OSBPL10: variants seen among roughly 807,000 people sequenced by gnomAD.
The protein encoded by OSBPL10 is oxysterol-binding protein-related protein 10.
OSBPL10 carries 49 observed loss-of-function variants against 81.7 expected under a neutral mutation model. That is an observed-to-expected ratio of 0.60 (90% CI 0.48 to 0.76). The LOEUF (loss-of-function observed/expected upper bound fraction) is 0.76, where lower values mean the gene tolerates loss of function less well. Among genes scored for constraint, OSBPL10 ranks in the 30% least tolerant of loss-of-function variants. OSBPL10 has a pLI of 0.00. For synonymous variants in OSBPL10, 419 were observed against 383.6 expected (o/e 1.09, Z -1.08); for missense variants, 923 against 987.8 (o/e 0.93, Z 0.88).
rs1275495702 is a variant in OSBPL10, at chr3:32,054,555, G to A, written n.186-7952C>T. ...TTTTTTTTTTTTTTTTTTTTGAGAC[G>A]GAGTCTCACTCTGTCACCCAGGCTG... On this transcript the variant is annotated intron_variant and non_coding_transcript_variant, in intron 1 of 3. Transcript: ENST00000479173. Among the ~76,000 whole-genome samples the A allele has an allele frequency of 1.6e-4, 15 of 96,772 alleles. 1 individual carries two copies. Among genetic ancestry groups the A allele is most frequent in the South Asian group, 3.9e-4 (1 of 2,540 alleles). 63.5% of individuals were successfully genotyped at this position (96,772 alleles called of 152,430 possible).
intron 2 of OSBPL10, among the ~76,000 whole-genome samples, chr3:32,024,715 C>T (rs1393613685): frequency 6.6e-6 from 1 of 152,016 alleles, no homozygotes; most frequent in African/African-American, 2.4e-5. Flanking sequence ...GAACTCCTGA[C>T]CACCTGCCTC....
intron 4 of OSBPL10, among the ~76,000 whole-genome samples, chr3:31,812,719 A>G (rs974035205): frequency 1.1e-4 from 2 of 18,930 alleles, no homozygotes; most frequent in Non-Finnish European, 1.4e-4. Flanking sequence ...AGGCAAAAAA[A>G]AAGAAAGAAA....
In OSBPL10 at chr3:32,053,294, A is replaced by G. The variant is rs893210134; in HGVS notation, n.186-6691T>C. ...ATGGGAATGTGGATTTTTCAACTAA[A>G]GGGTTAAAGGATTGTTTTAAGTTAT... On this transcript the variant is annotated intron_variant and non_coding_transcript_variant, in intron 1 of 3. Transcript: ENST00000479173. Among the ~76,000 whole-genome samples the G allele has an allele frequency of 5.3e-5, 8 of 152,366 alleles. No homozygotes were observed. In the East Asian group the frequency reaches 1.5e-3, roughly 29 times the overall value.
intron 6 of OSBPL10, among the ~76,000 whole-genome samples, chr3:31,720,904 A>AAAAAAAC (rs1234644853): frequency 3.4e-5 from 5 of 147,566 alleles, no homozygotes; most frequent in African/African-American, 1.2e-4. Context: ...AAAAAAAAAA[A>AAAAAAAC]GGCCCAAAGA....
intron 7 of OSBPL10, among the ~76,000 whole-genome samples, chr3:31,701,208 C>G (rs1400891495): frequency 1.3e-5 from 2 of 152,164 alleles, no homozygotes; most frequent in Admixed American, 6.5e-5. Flanking sequence ...TCTCTTGCCC[C>G]CTGCCTAGTC....
chr3:31,989,631 C>T lies in OSBPL10; in HGVS notation n.298+56860G>A, dbSNP rs201604355. 4.4e-3 allele frequency: 7,119 copies of T among 1,614,170 alleles called. 18 individuals are homozygous for T. Among genetic ancestry groups the T allele is most frequent in the Non-Finnish European group, 5.5e-3 (6,464 of 1,180,016 alleles). On this transcript the variant is annotated intron_variant and non_coding_transcript_variant, in intron 2 of 3. Coordinates refer to the OSBPL10 transcript ENST00000479173. ...GTAATCAAGTTGAGAAGTCTATCAA[C>T]GATGCTTCCTCAGTTCTAACGTCCC...
chr3:31,796,088 G>A (rs892516211), intron 4 of OSBPL10: 4 of 172,560 alleles, frequency 2.3e-5, no homozygotes, highest in Admixed American at 1.9e-4. Flanking sequence ...AGTTCATCCT[G>A]GAGATCAGTG....
At chr3:31,872,605 T>C (rs1011635292) in intron 3 of OSBPL10, among the ~76,000 whole-genome samples, 1 of 149,850 alleles carries the variant, frequency 6.7e-6, no homozygotes, top group Non-Finnish European at 1.5e-5. Flanking sequence ...CACAACAGCA[T>C]GGATGAAATT....
At chr3:31,819,511 C>T (rs79890869) in intron 4 of OSBPL10, among the ~76,000 whole-genome samples, 1,754 of 152,272 alleles carry the variant, frequency 0.012, 35 homozygotes, top group African/African-American at 0.039. Flanking sequence ...ATAAATTCAT[C>T]GAGTCCTCAT....
chr3:31,852,365 C>A (rs2125578927), intron 3 of OSBPL10, among the ~76,000 whole-genome samples: 1 of 152,172 alleles, frequency 6.6e-6, no homozygotes, highest in African/African-American at 2.4e-5. Flanking sequence ...GCTGAACATC[C>A]TACAATGCTC....
At chr3:31,930,269 G>A (rs1312708247) in intron 1 of OSBPL10, among the ~76,000 whole-genome samples, 2 of 152,052 alleles carry the variant, frequency 1.3e-5, no homozygotes, top group Admixed American at 6.6e-5. Flanking sequence ...TCACAAAAGG[G>A]TAAATGCAAA....
intron 3 of OSBPL10, among the ~76,000 whole-genome samples, chr3:31,837,570 C>A (rs1165233477): frequency 2.7e-5 from 4 of 149,364 alleles, no homozygotes; most frequent in African/African-American, 9.8e-5. Flanking sequence ...ACAAGAATTC[C>A]ACTACCACTG....
At chr3:31,700,712 C>A (rs1283744762) in intron 7 of OSBPL10, among the ~76,000 whole-genome samples, 2 of 152,180 alleles carry the variant, frequency 1.3e-5, no homozygotes, top group Non-Finnish European at 2.9e-5. Context: ...ACGTTATCAT[C>A]CACACTTCAT....
chr3:31,858,120 C>G (rs1181994395), intron 3 of OSBPL10, among the ~76,000 whole-genome samples: 6 of 151,688 alleles, frequency 4.0e-5, no homozygotes, highest in African/African-American at 1.5e-4. Context: ...TCTCAGCCTC[C>G]CGAGTATCTA....
intron 5 of OSBPL10, among the ~76,000 whole-genome samples, chr3:31,742,996 T>C (rs2125687189): frequency 6.6e-6 from 1 of 150,720 alleles, no homozygotes; most frequent in East Asian, 2.0e-4. Context: ...GTAAAAGAGC[T>C]GCATAATTTA....
chr3:32,057,286 C>A (rs1334908180), intron 1 of OSBPL10, among the ~76,000 whole-genome samples: 1 of 152,118 alleles, frequency 6.6e-6, no homozygotes, highest in Non-Finnish European at 1.5e-5. Flanking sequence ...AGACTTGCCC[C>A]CAATTTTTTT....
chr3:32,022,900 A>G (rs1169578665), intron 2 of OSBPL10, among the ~76,000 whole-genome samples: 1 of 152,204 alleles, frequency 6.6e-6, no homozygotes, highest in African/African-American at 2.4e-5. Context: ...CTAGGAAGAC[A>G]TCTAAAACAA....
At chr3:31,916,004 G>A (rs1344770154) in intron 1 of OSBPL10, among the ~76,000 whole-genome samples, 1 of 150,130 alleles carries the variant, frequency 6.7e-6, no homozygotes, top group Non-Finnish European at 1.5e-5. Flanking sequence ...GCTGAGGCAA[G>A]AGAATCGCTT....
At chr3:31,959,781 C>A (rs1245486627) in intron 1 of OSBPL10, among the ~76,000 whole-genome samples, 1 of 152,180 alleles carries the variant, frequency 6.6e-6, no homozygotes, top group Non-Finnish European at 1.5e-5. Flanking sequence ...AGTTTCCTCA[C>A]CTGTAAAACA....
Sources: gnomAD v4.1 joint callset for allele counts (sites outside exome capture counted in the v4.1 genomes callset) on GRCh38, gnomAD v4.1.1 for gene constraint, MANE v1.5 for transcripts, NCBI Gene and HGNC (gene_info 2026-07-23, HGNC 2026-07-21) for gene names.